Variants in CSGALNACT1 observed in about 807,000 individuals in gnomAD.
CSGALNACT1 encodes beta4GalNAcT-1.
In CSGALNACT1, 52 loss-of-function variants were observed where a neutral mutation model predicts 51.0. That is an observed-to-expected ratio of 1.02 (90% CI 0.82 to 1.29). The LOEUF is 1.29. Among genes scored for constraint, CSGALNACT1 ranks in the 50% most tolerant of loss-of-function variants. The pLI is 0.00. For missense variants in CSGALNACT1, 935 were observed against 679.2 expected (o/e 1.38, Z -4.19); for synonymous variants, 341 against 254.4 (o/e 1.34, Z -3.24).
intron 4 of CSGALNACT1, among the ~76,000 whole-genome samples, chr8:19,495,965 C>G (rs1300281809): frequency 6.6e-6 from 1 of 152,138 alleles, no homozygotes; most frequent in African/African-American, 2.4e-5. Context: ...TGTGTCAAAA[C>G]TGGAATGGGA....
intron 3 of CSGALNACT1, among the ~76,000 whole-genome samples, chr8:19,571,665 A>T (rs969418903): frequency 6.6e-6 from 1 of 152,220 alleles, no homozygotes; most frequent in Non-Finnish European, 1.5e-5. Context: ...TTATATTGGA[A>T]AGTCACAGAG....
chr8:19,728,816 G>C (rs2063540731), intron 1 of CSGALNACT1, among the ~76,000 whole-genome samples: 1 of 151,932 alleles, frequency 6.6e-6, no homozygotes, highest in Non-Finnish European at 1.5e-5. Context: ...GAAAAAAATG[G>C]TAACCTTTTC....
chr8:19,411,956 G>A (rs924029043), intron 8 of CSGALNACT1, among the ~76,000 whole-genome samples: 4 of 151,228 alleles, frequency 2.6e-5, no homozygotes, highest in East Asian at 2.0e-4. Flanking sequence ...TCAGCCTCCC[G>A]AGTAGCTGGG....
At position 19,537,150 on chromosome 8, in the gene CSGALNACT1, A is replaced by G. The variant is rs543804631; in HGVS notation, c.-296-31020T>C. Among the ~76,000 whole-genome samples, 288 of 152,306 alleles carry G rather than the reference A, an allele frequency of 1.9e-3. 1 individual carries two copies. Among genetic ancestry groups the G allele is most frequent in the African/African-American group, 6.6e-3 (275 of 41,560 alleles). On this transcript the variant is annotated intron_variant, in intron 3 of 9. Coordinates refer to ENST00000454498, the Ensembl canonical transcript of CSGALNACT1. ...CAGAATTCTTTCCTCATGAGTAAGC[A>G]GAAACTAGCTCTGGAAAACAAGAAA...
Position 19,439,310 on chromosome 8 carries a change from T to C in CSGALNACT1, c.953+520A>G, listed in dbSNP as rs556213461. ...TCAACTGAGTAAGTTTGATCAAGGA[T>C]CCTGCCTTGGCCACCACGTCTGGTT... On this transcript the variant is annotated intron_variant, in intron 6 of 9. Transcript: ENST00000454498. 4.6e-5 allele frequency among the ~76,000 whole-genome samples: 7 copies of C among 152,362 alleles called. No homozygotes were observed. In the South Asian group the frequency reaches 1.4e-3, roughly 32 times the overall value.
chr8:19,697,811 G>A (rs2154219194), intron 1 of CSGALNACT1, among the ~76,000 whole-genome samples: 1 of 152,264 alleles, frequency 6.6e-6, no homozygotes, highest in East Asian at 1.9e-4. Flanking sequence ...GAGATTGGAA[G>A]GTCATTAGAG....
At chr8:19,419,963 C>G (rs2057637571) in intron 7 of CSGALNACT1, among the ~76,000 whole-genome samples, 2 of 152,178 alleles carry the variant, frequency 1.3e-5, no homozygotes, top group African/African-American at 4.8e-5. Flanking sequence ...ATGCTGTACT[C>G]ATGATAGTAA....
In CSGALNACT1 at chr8:19,456,287, C is replaced by T. The variant is rs555581614; in HGVS notation, c.851+2139G>A. On this transcript the variant is annotated intron_variant, in intron 5 of 9. Coordinates refer to ENST00000454498, the Ensembl canonical transcript of CSGALNACT1. ...CTACAGTGAGGACTTGTCCTTTCAC[C>T]GAGCAGATACTTCTTTAGTGTAAGC... Among the ~76,000 whole-genome samples the T allele has an allele frequency of 5.3e-5, 8 of 152,242 alleles. No individual in the cohort carries two copies. The East Asian group carries it at 1.4e-3, about 26-fold the overall frequency.
In CSGALNACT1 at chr8:19,757,078, G is replaced by A. The variant is rs1436870379; in HGVS notation, c.-297+772C>T. On this transcript the variant is annotated intron_variant, in intron 1 of 1. Transcript: ENST00000517494. The surrounding 1 kb of genome is among the most constrained non-coding windows in gnomAD (Gnocchi z 4.0). ...GCACGAGCCACCCCGAGGTCGCGGG[G>A]TGGGCGGGCGCGAGCTAGGCGCGCG... 2.7e-5 allele frequency: 4 copies of A among 150,354 alleles called. No individual in the cohort carries two copies. The highest frequency in any genetic ancestry group is 4.4e-5 in the Non-Finnish European group (3 of 67,418). The allele number at this position is 150,354 out of a possible 1,614,324, so 9.3% of individuals were successfully genotyped here. A position where few individuals can be genotyped will look rare whatever the true frequency, so the allele number is the denominator to read the frequency against.
chr8:19,412,267 C>G (rs1287443661), intron 8 of CSGALNACT1, among the ~76,000 whole-genome samples: 1 of 152,206 alleles, frequency 6.6e-6, no homozygotes, highest in Non-Finnish European at 1.5e-5. Flanking sequence ...GGACAGTTGT[C>G]AGCCCTGCTC....
chr8:19,638,646 T>C (rs1232841397), intron 1 of CSGALNACT1, among the ~76,000 whole-genome samples: 1 of 152,096 alleles, frequency 6.6e-6, no homozygotes, highest in Non-Finnish European at 1.5e-5. Context: ...GGAATTTAAA[T>C]AGTTCTATGA....
At chr8:19,680,634 G>A (rs1272588723) in intron 1 of CSGALNACT1, among the ~76,000 whole-genome samples, 9 of 133,800 alleles carry the variant, frequency 6.7e-5, no homozygotes, top group African/African-American at 2.3e-4. Context: ...TATTTACATA[G>A]CTCTTACACT....
At chr8:19,435,491 C>CAAAA (rs35102795) in intron 6 of CSGALNACT1, among the ~76,000 whole-genome samples, 1 of 138,384 alleles carries the variant, frequency 7.2e-6, no homozygotes, top group African/African-American at 2.6e-5. Flanking sequence ...GACTCTGAAT[C>CAAAA]AAAAAAAAAA....
chr8:19,672,163 T>C (rs1171321071), intron 1 of CSGALNACT1, among the ~76,000 whole-genome samples: 1 of 152,222 alleles, frequency 6.6e-6, no homozygotes, highest in African/African-American at 2.4e-5. Flanking sequence ...TCAAGGTTCC[T>C]GCCTCCCACA....
chr8:19,421,660 G>C (rs372087855), intron 6 of CSGALNACT1, among the ~76,000 whole-genome samples: 1 of 152,132 alleles, frequency 6.6e-6, no homozygotes. Flanking sequence ...CCAAGTACCC[G>C]TCTCGGGTAA....
At chr8:19,718,890 T>C (rs1169326200) in intron 1 of CSGALNACT1, among the ~76,000 whole-genome samples, 3 of 152,296 alleles carry the variant, frequency 2.0e-5, no homozygotes, top group African/African-American at 4.8e-5. Flanking sequence ...GTAACCCAAA[T>C]TCCCCATCAT....
chr8:19,638,169 T>TC (rs2056326510), intron 1 of CSGALNACT1, among the ~76,000 whole-genome samples: 1 of 80,212 alleles, frequency 1.2e-5, no homozygotes, highest in African/African-American at 6.2e-5. Flanking sequence ...GTATTGAAAC[T>TC]CCCTTCCCTG....
intron 6 of CSGALNACT1, among the ~76,000 whole-genome samples, chr8:19,438,239 G>A (rs895950681): frequency 1.3e-5 from 2 of 152,136 alleles, no homozygotes; most frequent in Non-Finnish European, 2.9e-5. Context: ...GCAGCCCCCA[G>A]GTGGACTACC....
At chr8:19,497,997 T>C (rs1317123087) in intron 4 of CSGALNACT1, among the ~76,000 whole-genome samples, 1 of 152,198 alleles carries the variant, frequency 6.6e-6, no homozygotes, top group East Asian at 1.9e-4. Context: ...CATATGTTGA[T>C]TGATGTCTCA....
Sources: allele counts gnomAD v4.1 joint callset (sites outside exome capture counted in the v4.1 genomes callset), GRCh38; gene constraint gnomAD v4.1.1; non-coding constraint Gnocchi (gnomAD v3.1); transcripts MANE v1.5; gene names NCBI Gene and HGNC (gene_info 2026-07-23, HGNC 2026-07-21).